The following MYLK variants were observed in gnomAD, a reference collection of about 807,000 sequenced individuals.
MYLK encodes myosin light chain kinase, also known as myosin light chain kinase, smooth muscle.
MYLK carries 106 observed loss-of-function variants against 203.4 expected under a neutral mutation model. The observed-to-expected ratio is 0.52, with a 90% CI of 0.45 to 0.61. MYLK has a LOEUF of 0.61. MYLK is among the 20% of genes least tolerant of loss of function. MYLK has a pLI of 0.00. For missense variants in MYLK, 2,072 were observed against 2,442.3 expected (o/e 0.85, Z 3.20); for synonymous variants, 867 against 959.5 (o/e 0.90, Z 1.78).
At chr3:123,784,403 T>A (rs13091055) in intron 4 of MYLK, among the ~76,000 whole-genome samples, 2 of 147,694 alleles carry the variant, frequency 1.4e-5, no homozygotes, top group Non-Finnish European at 3.0e-5. Flanking sequence ...TTTTTTTTTT[T>A]ACCTCTGTCA....
chr3:123,872,824 T>C (rs1322193756), intron 2 of MYLK, among the ~76,000 whole-genome samples: 2 of 152,204 alleles, frequency 1.3e-5, no homozygotes, highest in Admixed American at 6.5e-5. Flanking sequence ...TAGGAATCAC[T>C]GATTAAATCA....
chr3:123,752,639 C>G, intron 4 of MYLK, 101 bp from the exon 5 acceptor site: 1 of 1,091,810 alleles, frequency 9.2e-7, no homozygotes, highest in Non-Finnish European at 1.3e-6. Flanking sequence ...CTCATTTAAT[C>G]CTCATAACGC....
intron 13 of MYLK, among the ~76,000 whole-genome samples, chr3:123,710,209 G>A (rs1486026192): frequency 1.3e-5 from 2 of 152,034 alleles, no homozygotes; most frequent in Non-Finnish European, 2.9e-5. Context: ...AAATTCAAAA[G>A]GTACCAAAGA....
intron 6 of MYLK, 65 bp from the exon 7 acceptor site, chr3:123,739,127 C>T (rs1174263076): frequency 2.9e-5 from 45 of 1,568,572 alleles, no homozygotes; most frequent in Non-Finnish European, 3.7e-5. Flanking sequence ...CCTCTCTCCA[C>T]CTCACTCAAA....
intron 19 of MYLK, among the ~76,000 whole-genome samples, chr3:123,689,081 A>T (rs1239925283): frequency 6.6e-6 from 1 of 152,154 alleles, no homozygotes; most frequent in Non-Finnish European, 1.5e-5. Context: ...GAGTGATGGC[A>T]TGAGTACCCA....
At chr3:123,737,129 G>A in intron 8 of MYLK, 1 of 498,822 alleles carries the variant, frequency 2.0e-6, no homozygotes, top group Admixed American at 3.3e-5. Context: ...TGAGGCAGGA[G>A]AATCGCTTGA....
At chr3:123,679,504 TCA>T (rs962235803) in intron 20 of MYLK, among the ~76,000 whole-genome samples, 21 of 151,704 alleles carry the variant, frequency 1.4e-4, no homozygotes, top group Non-Finnish European at 2.2e-4. Flanking sequence ...GGCACCGCTC[TCA>T]GTGTTGGGGT....
At chr3:123,818,260 G>A (rs954866783) in intron 3 of MYLK, among the ~76,000 whole-genome samples, 1 of 152,186 alleles carries the variant, frequency 6.6e-6, no homozygotes, top group South Asian at 2.1e-4. Context: ...TTGAAGACAG[G>A]CATCACTTAT....
chr3:123,874,680 G>A (rs966412774), intron 2 of MYLK, among the ~76,000 whole-genome samples: 2 of 152,148 alleles, frequency 1.3e-5, no homozygotes, highest in African/African-American at 4.8e-5. Flanking sequence ...AACAGGCATT[G>A]TTAAAGAGAA....
Position 123,631,873 on chromosome 3 carries a change from C to CTT in MYLK, c.4962-2249_4962-2248dup, listed in dbSNP as rs11391919. Among the ~76,000 whole-genome samples the CTT allele has an allele frequency of 7.0e-3, 983 of 140,392 alleles. 6 individuals are homozygous for CTT. The highest frequency in any genetic ancestry group is 0.011 in the Middle Eastern group (3 of 266). 92.1% of individuals were successfully genotyped at this position (140,392 alleles called of 152,430 possible). ...CTCTGGGCCTCAGTTTCTCCTTTTT[C>CTT]TTTTTTTTTTTTTTGAGACAGAGTG... is the stretch of plus-strand genomic sequence containing the variant. On this transcript the variant is annotated intron_variant, in intron 29 of 33. Coordinates refer to ENST00000360304, the MANE Select transcript of MYLK (RefSeq NM_053025.4).
intron 2 of MYLK, among the ~76,000 whole-genome samples, chr3:123,839,640 T>C (rs751457997): frequency 2.0e-5 from 3 of 152,290 alleles, no homozygotes; most frequent in Non-Finnish European, 4.4e-5. Flanking sequence ...CTCTCAGTAA[T>C]TGATAAAACA....
chr3:123,717,083 T>C (rs912555100), intron 13 of MYLK, among the ~76,000 whole-genome samples: 43 of 152,244 alleles, frequency 2.8e-4, no homozygotes, highest in African/African-American at 9.6e-4. Context: ...AAAACTGGTA[T>C]TTATTCTTCT....
At chr3:123,706,291 G>A (rs1379863866) in intron 16 of MYLK, among the ~76,000 whole-genome samples, 1 of 152,178 alleles carries the variant, frequency 6.6e-6, no homozygotes. Context: ...ACTGATTCAG[G>A]TATAAAGCAC....
intron 1 of MYLK, among the ~76,000 whole-genome samples, chr3:123,882,904 G>A (rs944288933): frequency 6.6e-6 from 1 of 152,214 alleles, no homozygotes; most frequent in Non-Finnish European, 1.5e-5. Context: ...GAGAATCACG[G>A]AAGAGAGAAG....
intron 3 of MYLK, among the ~76,000 whole-genome samples, chr3:123,817,356 G>A (rs556124112): frequency 1.3e-5 from 2 of 152,308 alleles, no homozygotes; most frequent in South Asian, 2.1e-4. Context: ...ATTTCTAGCA[G>A]AGTGGAACAT....
intron 2 of MYLK, among the ~76,000 whole-genome samples, chr3:123,839,690 C>T (rs961333287): frequency 2.0e-5 from 3 of 152,164 alleles, no homozygotes; most frequent in African/African-American, 7.2e-5. Context: ...AAGGTGAACA[C>T]CACTATCAAC....
At chr3:123,665,803 G>A (rs2059715855) in intron 22 of MYLK, among the ~76,000 whole-genome samples, 1 of 152,202 alleles carries the variant, frequency 6.6e-6, no homozygotes, top group Non-Finnish European at 1.5e-5. Flanking sequence ...CCTTCAGCAT[G>A]TGGCAAGTTT....
intron 3 of MYLK, among the ~76,000 whole-genome samples, chr3:123,825,144 CA>C (rs11419461): frequency 2.4e-3 from 273 of 115,758 alleles, no homozygotes; most frequent in Middle Eastern, 5.2e-3. Context: ...CACCCTGTCT[CA>C]AAAAAAAAAA....
chr3:123,768,727 A>G (rs746949730), intron 4 of MYLK, among the ~76,000 whole-genome samples: 2 of 152,160 alleles, frequency 1.3e-5, no homozygotes, highest in Non-Finnish European at 2.9e-5. Flanking sequence ...TCATAGTTCT[A>G]TTTCTATTTG....
Sources: allele counts gnomAD v4.1 joint callset (sites outside exome capture counted in the v4.1 genomes callset), GRCh38; gene constraint gnomAD v4.1.1; transcripts MANE v1.5; gene names NCBI Gene and HGNC (gene_info 2026-07-23, HGNC 2026-07-21).